Variants in RRAGB observed in about 807,000 individuals in gnomAD.
RRAGB encodes Ras related GTP binding B, also known as ras-related GTP-binding protein B.
RRAGB carries 6 observed loss-of-function variants against 29.3 expected under a neutral mutation model. The observed-to-expected ratio is 0.21, with a 90% CI of 0.11 to 0.40. The LOEUF is 0.40. Among genes scored for constraint, RRAGB ranks in the 10% least tolerant of loss-of-function variants. The pLI is 1.00. For synonymous variants in RRAGB, 101 were observed against 92.5 expected, an observed-to-expected ratio of 1.09 and a Z score of -0.53; for missense variants, 184 against 272.9, an observed-to-expected ratio of 0.67 and a Z score of 2.29.
At chrX:55,740,597 A>G (rs1480011954) in intron 5 of RRAGB, among the ~76,000 whole-genome samples, 1 of 111,645 alleles carries the variant, frequency 9.0e-6, no homozygotes, top group Non-Finnish European at 1.9e-5. Flanking sequence ...GCAAGAGGTA[A>G]GGTGAATATG....
intron 5 of RRAGB, among the ~76,000 whole-genome samples, chrX:55,748,017 G>A (rs945316374): frequency 4.4e-5 from 5 of 112,442 alleles, no homozygotes; most frequent in African/African-American, 9.7e-5. Flanking sequence ...GCAGGCGGGC[G>A]CCGCCACACC....
At chrX:55,754,429 C>T (rs2034605913) in intron 7 of RRAGB, among the ~76,000 whole-genome samples, 1 of 112,870 alleles carries the variant, frequency 8.9e-6, no homozygotes, top group Non-Finnish European at 1.9e-5. Flanking sequence ...TGTCACAACA[C>T]ACTGCATAAG....
Position 55,718,400 on chromosome X carries a change from G to C in RRAGB, c.73G>C (p.Glu25Gln), listed in dbSNP as rs1046428366. The C allele has an allele frequency of 1.2e-5, 14 of 1,194,721 alleles. No individual in the cohort carries two copies. Among genetic ancestry groups the C allele is most frequent in the Non-Finnish European group, 1.5e-5 (13 of 885,444 alleles). The change falls in exon 1 of 10, where the codon GAA (glutamate) becomes CAA (glutamine). Residue 25 changes from glutamate to glutamine, a missense_variant. Glu to Gln is a conservative substitution (Grantham distance 29). Transcript: ENST00000374941. ...GCCGAGAATGGATCCACCACTAGGG[G>C]AACCGGAAGGATCGCTTGGGTGGGT... ...LGPRMDPPLG[E>Q]PEGSLGWVLP...
chrX:55,757,980 A>C (rs1218219489), intron 9 of RRAGB, among the ~76,000 whole-genome samples: 1 of 112,234 alleles, frequency 8.9e-6, no homozygotes, highest in Non-Finnish European at 1.9e-5. Flanking sequence ...TAATATTAAA[A>C]TATAACATAC....
chrX:55,742,309 C>T (rs1326826573), intron 5 of RRAGB, among the ~76,000 whole-genome samples: 2 of 112,234 alleles, frequency 1.8e-5, no homozygotes, highest in African/African-American at 6.5e-5. Flanking sequence ...TTACCTTTGC[C>T]CACAGCACTC....
At chrX:55,739,349 T>A (rs186632186) in intron 5 of RRAGB, among the ~76,000 whole-genome samples, 2 of 112,553 alleles carry the variant, frequency 1.8e-5, no homozygotes, top group East Asian at 5.6e-4. Flanking sequence ...CAGATCTCAG[T>A]TGGGAGCTTC....
At chrX:55,745,621 G>A (rs762022402) in intron 5 of RRAGB, among the ~76,000 whole-genome samples, 37 of 112,297 alleles carry the variant, frequency 3.3e-4, no homozygotes, top group Middle Eastern at 9.1e-3. Flanking sequence ...CATCTTTCAA[G>A]TCTGATGGTG....
chrX:55,718,024 A>C lies in RRAGB; in HGVS notation c.-304A>C. 1 of 202,965 alleles carries C rather than the reference A, an allele frequency of 4.9e-6. No individual in the cohort carries two copies. 16.7% of individuals were successfully genotyped at this position (202,965 alleles called of 1,213,427 possible). Reference sequence around the variant, plus strand: ...TGGGGGCCTGAGGCCCAAACTCGGGACGAACCCCTAACCCACCTCTCTTTT... The same window carrying C: ...TGGGGGCCTGAGGCCCAAACTCGGGCCGAACCCCTAACCCACCTCTCTTTT... On this transcript the variant is annotated 5_prime_UTR_variant, in exon 1 of 10. Coordinates refer to ENST00000374941, the MANE Select transcript of RRAGB (RefSeq NM_006064.5).
chrX:55,753,036 A>G (rs1014194359), intron 6 of RRAGB, among the ~76,000 whole-genome samples: 2 of 112,223 alleles, frequency 1.8e-5, no homozygotes, highest in African/African-American at 6.5e-5. Context: ...GGACTTAAAT[A>G]TTTGTGACTA....
chrX:55,738,847 C>T (rs1486453762), intron 5 of RRAGB, among the ~76,000 whole-genome samples: 1 of 111,883 alleles, frequency 8.9e-6, no homozygotes. Context: ...GTTATGCTAC[C>T]AGGGCAGGTG....
intron 5 of RRAGB, among the ~76,000 whole-genome samples, chrX:55,735,316 A>G (rs1279053660): frequency 1.8e-5 from 2 of 112,184 alleles, no homozygotes; most frequent in African/African-American, 3.2e-5. Context: ...TTAGGTGTGC[A>G]TAAATTTTGG....
intron 7 of RRAGB, 44 bp from the exon 8 acceptor site, chrX:55,755,797 T>A (rs2034643051): frequency 8.6e-7 from 1 of 1,167,178 alleles, no homozygotes. Flanking sequence ...GAGGATGATG[T>A]AACTATTTTG....
In RRAGB at chrX:55,723,778, G is replaced by A. The variant is rs1483432397; in HGVS notation, c.226+1493G>A. On this transcript the variant is annotated intron_variant, in intron 3 of 9. Transcript: ENST00000374941. ...TCACCATGTTGGCCAAACTGGCCTC[G>A]AACTCCTGACCTCAGGTGATCCGCC... Among the ~76,000 whole-genome samples, 6 of 109,065 alleles carry A rather than the reference G, an allele frequency of 5.5e-5. No homozygotes were observed. The East Asian group carries it at 8.8e-4, about 16-fold the overall frequency. 94.7% of individuals were successfully genotyped at this position (109,065 alleles called of 115,157 possible).
chrX:55,743,359 G>A (rs766460112), intron 5 of RRAGB, among the ~76,000 whole-genome samples: 1 of 112,370 alleles, frequency 8.9e-6, no homozygotes, highest in African/African-American at 3.2e-5. Context: ...CTGCCACCAG[G>A]TACTTAGCTG....
chrX:55,754,319 A>G lies in RRAGB; in HGVS notation c.735+805A>G, dbSNP rs778023475. 5.3e-5 allele frequency among the ~76,000 whole-genome samples: 6 copies of G among 113,075 alleles called. No individual in the cohort carries two copies. The South Asian group carries it at 2.2e-3, about 41-fold the overall frequency. ...TTCTTGTAAATTGAACTTAGCAACT[A>G]TATTAGAGCCTATTGTTTGTATAAC... On this transcript the variant is annotated intron_variant, in intron 7 of 9. Transcript: ENST00000374941.
chrX:55,718,289 C>A lies in RRAGB; in HGVS notation c.-39C>A. ...CAACAACAACAAACCCTGAAGAGTA[C>A]TGAAGATTTAGAAGGGACTGGAAAG... On this transcript the variant is annotated 5_prime_UTR_variant, in exon 1 of 10. In the 5' UTR this introduces an upstream ATG that the reference lacks. Coordinates refer to ENST00000374941, the MANE Select transcript of RRAGB (RefSeq NM_006064.5). The A allele has an allele frequency of 9.5e-7, 1 of 1,048,267 alleles. No homozygotes were observed. 86.4% of individuals were successfully genotyped at this position (1,048,267 alleles called of 1,213,427 possible). A position where few individuals can be genotyped will look rare whatever the true frequency, so the allele number is the denominator to read the frequency against.
At chrX:55,758,110 G>A in intron 9 of RRAGB, 136 bp from the exon 10 acceptor site, 1 of 342,840 alleles carries the variant, frequency 2.9e-6, no homozygotes, top group Non-Finnish European at 5.2e-6. Context: ...TTGATAACTT[G>A]GGACCTCCTA....
At chrX:55,724,272 CATG>C (rs2033401253) in intron 3 of RRAGB, among the ~76,000 whole-genome samples, 1 of 112,037 alleles carries the variant, frequency 8.9e-6, no homozygotes, top group African/African-American at 3.2e-5. Flanking sequence ...TGTTTTAGCC[CATG>C]ATATGTTCCT....
At chrX:55,742,204 CAA>C (rs1166081237) in intron 5 of RRAGB, among the ~76,000 whole-genome samples, 1 of 112,309 alleles carries the variant, frequency 8.9e-6, no homozygotes, top group Non-Finnish European at 1.9e-5. Context: ...ATAACAAAAT[CAA>C]GATGAAGTAC....
Sources: gnomAD v4.1 joint callset for allele counts (sites outside exome capture counted in the v4.1 genomes callset) on GRCh38, gnomAD v4.1.1 for gene constraint, MANE v1.5 for transcripts, NCBI Gene and HGNC (gene_info 2026-07-23, HGNC 2026-07-21) for gene names.